MSH6: variants seen among roughly 807,000 people sequenced by gnomAD.
MSH6 encodes DNA mismatch repair protein Msh6.
A neutral mutation model predicts 119.1 loss-of-function variants in MSH6; 85 were observed. The ratio of observed to expected loss-of-function variants is 0.71; its 90% CI spans 0.60 to 0.85. The LOEUF (loss-of-function observed/expected upper bound fraction) is 0.85. Among genes scored for constraint, MSH6 ranks in the 40% least tolerant of loss-of-function variants. The pLI is 0.00. For missense variants in MSH6, 2,163 were observed against 1,655.3 expected (o/e 1.31, Z -5.32); for synonymous variants, 830 against 586.9 (o/e 1.41, Z -5.99).
chr2:47,802,128 C>T (rs1303815427), intron 4 of MSH6, among the ~76,000 whole-genome samples: 4 of 152,100 alleles, frequency 2.6e-5, no homozygotes, highest in African/African-American at 9.7e-5. Context: ...TCAGTGAATC[C>T]ATCTGCATAC....
Position 47,806,649 on chromosome 2 carries a change from T to TCGGTAACTAACTAACTATA in MSH6, c.4000_4001+17dup, listed in dbSNP as rs1064794929. On this transcript the variant is annotated stop_gained and frameshift_variant and splice_region_variant, in exon 9 of 10. Coordinates refer to ENST00000234420, the MANE Select transcript of MSH6 (RefSeq NM_000179.3). LOFTEE classifies it high-confidence loss of function. ...AGATGAATCAGTCACTACGATTATT[T>TCGGTAACTAACTAACTATA]CGGTAACTAACTAACTATAATGGAA... The TCGGTAACTAACTAACTATA allele has an allele frequency of 2.5e-6, 4 of 1,608,434 alleles. No individual in the cohort carries two copies. In the African/African-American group the frequency reaches 4.0e-5, roughly 16 times the overall value.
intron 4 of MSH6, chr2:47,801,376 T>TG (rs1211101840): frequency 6.0e-5 from 29 of 482,970 alleles, no homozygotes; most frequent in African/African-American, 5.1e-4. Flanking sequence ...TTTTTTTTTT[T>TG]TTTTTTTTTT....
chr2:47,797,888 C>A, intron 3 of MSH6: 1 of 227,596 alleles, frequency 4.4e-6, no homozygotes, highest in South Asian at 7.1e-5. Context: ...AGCTAGCATT[C>A]CCTTGGATTT....
intron 7 of MSH6, 146 bp from the exon 8 acceptor site, chr2:47,806,053 CTCGTG>C: frequency 1.3e-6 from 1 of 782,018 alleles, no homozygotes. Flanking sequence ...GCTAAGCAGA[CTCGTG>C]TAGCTAAACA....
chr2:47,793,318 CAAAAAAAAAAAAAAAAA>C (rs34250836), intron 2 of MSH6, among the ~76,000 whole-genome samples: 4 of 48,790 alleles, frequency 8.2e-5, no homozygotes, highest in Admixed American at 3.6e-4. Context: ...GAGACTGTCT[CAAAAAAAAAAAAAAAAA>C]AAAAAAAAAA....
At position 47,798,643 on chromosome 2, in the gene MSH6, A is replaced by C. The variant is rs1800938; in HGVS notation, c.660A>C (p.Glu220Asp). The C allele has an allele frequency of 8.0e-5, 129 of 1,612,634 alleles. No individual in the cohort carries two copies. The Middle Eastern group carries it at 1.2e-3, about 14-fold the overall frequency. ...VGTTYVTDKS[E>D]EDNEIESEEE... is the part of the protein sequence containing the mutation. ...CAACTTACGTAACAGATAAGAGTGA[A>C]GAAGATAATGAAATTGAGAGTGAAG... The change falls in exon 4 of 10, where the codon GAA becomes GAC. Residue 220 changes from glutamate (E) to aspartate (D), a missense_variant. Coordinates refer to ENST00000234420, the MANE Select transcript of MSH6 (RefSeq NM_000179.3).
At position 47,794,750 on chromosome 2, in the gene MSH6, TATC is replaced by T. The variant is rs1264635962; in HGVS notation, c.458-1141_458-1139del. 2.0e-5 allele frequency among the ~76,000 whole-genome samples: 3 copies of T among 152,326 alleles called. No homozygotes were observed. The East Asian group carries it at 5.8e-4, about 29-fold the overall frequency. ...GTCTTTGGGACAAACTCATATTTAA[TATC>T]ATAGCTGCATGTAACTGACAGTGTA... On this transcript the variant is annotated intron_variant, in intron 2 of 9. Coordinates refer to ENST00000234420, the MANE Select transcript of MSH6 (RefSeq NM_000179.3).
rs1456961917 is a variant in MSH6 at position 47,806,814 on chromosome 2, A to T, written c.4037A>T (p.Asp1346Val). 1 of 1,609,944 alleles carries T rather than the reference A, an allele frequency of 6.2e-7. No homozygotes were observed. Among genetic ancestry groups the T allele is most frequent in the Non-Finnish European group, 8.5e-7 (1 of 1,178,518 alleles). The part of the protein sequence containing the change: ...VCLASERSTV[D>V]AEAVHKLLTL... ...CTGGCTAGTGAAAGGTCAACTGTAG[A>T]TGCTGAAGCTGTCCATAAATTGCTG... The change falls in exon 10 of 10, where the codon GAT becomes GTT. Residue 1346 changes from aspartate (D) to valine (V), a missense_variant. Transcript: ENST00000234420.
Position 47,800,880 on chromosome 2 carries a change from C to G in MSH6, c.2897C>G (p.Thr966Ser), listed in dbSNP as rs1183568138. The change falls in exon 4 of 10, where the codon ACC becomes AGC. Residue 966 changes from threonine (T) to serine (S), a missense_variant. Coordinates refer to ENST00000234420, the MANE Select transcript of MSH6 (RefSeq NM_000179.3). ...EKQRNRIGCRTIVYWGIGRNR... is the reference protein window; with the variant it reads ...EKQRNRIGCRSIVYWGIGRNR... ...CAGCGCAACAGAATTGGCTGTAGGA[C>G]CATAGTCTATTGGGGGATTGGTAGG... 6.2e-7 allele frequency: 1 copy of G among 1,612,018 alleles called. No homozygotes were observed. Among genetic ancestry groups the G allele is most frequent in the South Asian group, 1.1e-5 (1 of 90,684 alleles).
In MSH6 at chr2:47,800,968, G is replaced by A. The variant is rs754296496; in HGVS notation, c.2985G>A (p.Glu995=). 1 of 1,562,450 alleles carries A rather than the reference G, an allele frequency of 6.4e-7. No homozygotes were observed. The highest frequency in any genetic ancestry group is 1.4e-5 in the African/African-American group (1 of 72,940). ...CTCGCAATTTGCCAGAAGAATACGAGTTGAAATCTACCAAGAAGGGCTGTA... is the reference window on the plus strand; with the variant it reads ...CTCGCAATTTGCCAGAAGAATACGAATTGAAATCTACCAAGAAGGGCTGTA... ...FTTRNLPEEY[E]LKSTKKGCKR... is the part of the protein sequence containing the mutation. Residue 995 remains glutamate (E), a synonymous_variant, in exon 4 of 10, where the codon GAG becomes GAA. Transcript: ENST00000234420.
rs748436287 is a variant in MSH6 at position 47,798,901 on chromosome 2, A to C, written c.918A>C (p.Gly306=). The change falls in exon 4 of 10, where the codon GGA becomes GGC. Residue 306 remains glycine, a synonymous_variant. Transcript: ENST00000234420. ...VARKRKRMVT[G]NGSLKRKSSR... ...GAAAGCGGAAGAGAATGGTGACTGG[A>C]AATGGCTCTCTTAAAAGGAAAAGCT... 1.2e-6 allele frequency: 2 copies of C among 1,614,190 alleles called. No homozygotes were observed. Among genetic ancestry groups the C allele is most frequent in the South Asian group, 1.1e-5 (1 of 91,082 alleles).
chr2:47,795,145 T>TGAA (rs1447522785), intron 2 of MSH6, among the ~76,000 whole-genome samples: 2 of 152,168 alleles, frequency 1.3e-5, no homozygotes, highest in African/African-American at 4.8e-5. Flanking sequence ...CTGCCTCACT[T>TGAA]GAAGAGGTAT....
At chr2:47,794,282 C>CT (rs1427845955) in intron 2 of MSH6, among the ~76,000 whole-genome samples, 2 of 151,588 alleles carry the variant, frequency 1.3e-5, no homozygotes, top group South Asian at 4.2e-4. Flanking sequence ...TTTCTTTTTT[C>CT]TTTTTTTGAG....
chr2:47,809,675 G>C (rs1486654849), downstream of MSH6: 5 of 1,613,404 alleles, frequency 3.1e-6, no homozygotes, highest in African/African-American at 4.0e-5. Flanking sequence ...TTGCCTTCTA[G>C]TGTTGCAGTT....
rs876658909 is a variant in MSH6 at position 47,800,353 on chromosome 2, T to C, written c.2370T>C (p.Asp790=). ...APLCNHYAIN[D]RLDAIEDLMV... ...TCTGTAACCATTATGCTATTAATGA[T>C]CGTCTAGATGCCATAGAAGACCTCA... The change falls in exon 4 of 10, where the codon GAT becomes GAC. Residue 790 remains aspartate, a synonymous_variant. Transcript: ENST00000234420. 2 of 1,614,096 alleles carry C rather than the reference T, an allele frequency of 1.2e-6. No individual in the cohort carries two copies. Among genetic ancestry groups the C allele is most frequent in the Non-Finnish European group, 1.7e-6 (2 of 1,180,010 alleles).
At position 47,806,365 on chromosome 2, in the gene MSH6, G is replaced by A. The variant is rs1553333205; in HGVS notation, c.3801+7G>A. The A allele has an allele frequency of 1.9e-6, 3 of 1,614,068 alleles. No individual in the cohort carries two copies. The highest frequency in any genetic ancestry group is 2.5e-6 in the Non-Finnish European group (3 of 1,179,972). On this transcript the variant is annotated splice_region_variant and intron_variant, in intron 8 of 9. Transcript: ENST00000234420. ...TGTGCGCCTAGGACATATGGTATGT[G>A]CAAATTGTTTTTTTCCACAAATTCG...
chr2:47,790,933 C>T lies in MSH6; in HGVS notation c.267C>T (p.Asp89=), dbSNP rs762818044. The stretch of plus-strand genomic sequence containing the variant: ...TATTTCCTTTTGGCAACAGTTGTGA[C>T]TTCTCACCAGGAGATTTGGTTTGGG... ...SVAPAAPTSC[D]FSPGDLVWAK... Residue 89 remains aspartate (D), a synonymous_variant, in exon 2 of 10, where the codon GAC becomes GAT. Transcript: ENST00000234420. 6.2e-7 allele frequency: 1 copy of T among 1,614,202 alleles called. No homozygotes were observed. Among genetic ancestry groups the T allele is most frequent in the Non-Finnish European group, 8.5e-7 (1 of 1,180,026 alleles).
At chr2:47,809,790 G>A (rs1321063064), downstream of MSH6, 6 of 854,038 alleles carry the variant, frequency 7.0e-6, no homozygotes, top group East Asian at 7.6e-5. Context: ...AATGTAAACT[G>A]CTTCTTTTAT....
intron 4 of MSH6, among the ~76,000 whole-genome samples, chr2:47,802,975 G>C (rs759973405): frequency 1.3e-5 from 2 of 151,982 alleles, no homozygotes; most frequent in Non-Finnish European, 2.9e-5. Context: ...GCATTGGTGC[G>C]ATCTTGGCTC....
Sources: allele counts gnomAD v4.1 joint callset (sites outside exome capture counted in the v4.1 genomes callset), GRCh38; gene constraint gnomAD v4.1.1; transcripts MANE v1.5; gene names NCBI Gene and HGNC (gene_info 2026-07-23, HGNC 2026-07-21).